Variants in PCDH15 observed in about 807,000 individuals in gnomAD.
PCDH15 encodes protocadherin-15.
PCDH15 carries 129 observed loss-of-function variants against 178.5 expected under a neutral mutation model. The observed-to-expected ratio is 0.72, with a 90% CI of 0.63 to 0.84. The LOEUF (loss-of-function observed/expected upper bound fraction) is 0.84. PCDH15 is among the 40% of genes least tolerant of loss of function. The pLI, the probability that PCDH15 is intolerant of heterozygous loss-of-function variation, is 0.00. For missense variants in PCDH15, 2,230 were observed against 2,099.9 expected, an observed-to-expected ratio of 1.06 and a Z score of -1.21; for synonymous variants, 800 against 732.0, an observed-to-expected ratio of 1.09 and a Z score of -1.50.
intron 3 of PCDH15, among the ~76,000 whole-genome samples, chr10:54,453,012 C>G (rs2136315491): frequency 6.6e-6 from 1 of 152,092 alleles, no homozygotes; most frequent in South Asian, 2.1e-4. Context: ...GGCCCTAAAT[C>G]CAATCACTAG....
chr10:54,435,161 C>T (rs2075300359), intron 3 of PCDH15, among the ~76,000 whole-genome samples: 1 of 152,174 alleles, frequency 6.6e-6, no homozygotes, highest in African/African-American at 2.4e-5. Context: ...TTCCTCCCTT[C>T]TATCTTCCCA....
intron 3 of PCDH15, among the ~76,000 whole-genome samples, chr10:54,426,800 T>G (rs1956319053): frequency 6.6e-6 from 1 of 152,204 alleles, no homozygotes; most frequent in Non-Finnish European, 1.5e-5. Context: ...GTTTTAGGGC[T>G]ATTATTTTAT....
At chr10:54,729,671 A>G (rs1943072692) in intron 1 of PCDH15, among the ~76,000 whole-genome samples, 1 of 151,742 alleles carries the variant, frequency 6.6e-6, no homozygotes, top group East Asian at 1.9e-4. Context: ...ATGGTCTAAT[A>G]TCCAGAACCT....
chr10:54,876,558 A>G (rs1954147722), intron 3 of PCDH15, among the ~76,000 whole-genome samples: 3 of 152,146 alleles, frequency 2.0e-5, no homozygotes. Context: ...AAATGTCAAC[A>G]CCAACTGGAA....
rs183057632 is a variant in PCDH15, at chr10:54,262,892, C to T, written c.877-25961G>A. Among the ~76,000 whole-genome samples, 33 of 152,054 alleles carry T rather than the reference C, an allele frequency of 2.2e-4. No individual in the cohort carries two copies. In the East Asian group the frequency reaches 5.1e-3, roughly 23 times the overall value. ...TAGTTGGTTGGGCTTGCCGCCAGGG[C>T]GAGTGTCTGTGGGAGATCTGCTGGG... is the stretch of plus-strand genomic sequence containing the variant. On this transcript the variant is annotated intron_variant, in intron 8 of 37. Coordinates refer to ENST00000644397, the MANE Select transcript of PCDH15 (RefSeq NM_001384140.1).
At chr10:55,137,292 A>G (rs1038692553) in intron 2 of PCDH15, among the ~76,000 whole-genome samples, 1 of 152,180 alleles carries the variant, frequency 6.6e-6, no homozygotes, top group Admixed American at 6.6e-5. Flanking sequence ...CTATGTTTAT[A>G]TGTGTATAAA....
chr10:53,864,386 A>G (rs1469728860), intron 27 of PCDH15, among the ~76,000 whole-genome samples: 1 of 152,170 alleles, frequency 6.6e-6, no homozygotes, highest in East Asian at 1.9e-4. Flanking sequence ...CTGAGTAACA[A>G]AGGATCAAAG....
At chr10:53,973,943 A>T (rs192148044) in intron 21 of PCDH15, among the ~76,000 whole-genome samples, 36 of 152,304 alleles carry the variant, frequency 2.4e-4, no homozygotes, top group Non-Finnish European at 4.3e-4. Context: ...TACTAAATCA[A>T]AGTGAGCTGA....
At chr10:54,751,691 C>A (rs1035206766) in intron 1 of PCDH15, among the ~76,000 whole-genome samples, 1 of 152,120 alleles carries the variant, frequency 6.6e-6, no homozygotes, top group South Asian at 2.1e-4. Context: ...TTCTGTGTTA[C>A]ATCAAGAAAA....
At chr10:55,275,045 C>T (rs1842552035) in intron 1 of PCDH15, among the ~76,000 whole-genome samples, 2 of 151,942 alleles carry the variant, frequency 1.3e-5, no homozygotes, top group Non-Finnish European at 2.9e-5. Flanking sequence ...TTTTTTCTTA[C>T]CATATTTCTG....
intron 21 of PCDH15, 108 bp from the exon 22 acceptor site, chr10:53,962,000 C>T (rs1483735418): frequency 5.6e-6 from 5 of 885,204 alleles, no homozygotes; most frequent in South Asian, 3.1e-5. Flanking sequence ...AAGTGAAAAT[C>T]ATATTTCCAT....
intron 26 of PCDH15, among the ~76,000 whole-genome samples, chr10:53,902,967 A>G (rs1018889034): frequency 1.3e-5 from 2 of 152,162 alleles, no homozygotes; most frequent in Admixed American, 6.5e-5. Flanking sequence ...AATACAAACC[A>G]TTAAGAAAAG....
At chr10:55,087,172 G>C (rs1842193396) in intron 2 of PCDH15, among the ~76,000 whole-genome samples, 1 of 152,084 alleles carries the variant, frequency 6.6e-6, no homozygotes, top group African/African-American at 2.4e-5. Flanking sequence ...GGTGTGGAGA[G>C]ACTTTAGATG....
intron 2 of PCDH15, among the ~76,000 whole-genome samples, chr10:54,662,313 T>C (rs2094504057): frequency 6.6e-6 from 1 of 152,012 alleles, no homozygotes; most frequent in Non-Finnish European, 1.5e-5. Flanking sequence ...TCAACCTCAC[T>C]AATCATTAGA....
chr10:55,130,548 G>T lies in PCDH15; in HGVS notation c.-80+36028C>A, dbSNP rs531108122. Among the ~76,000 whole-genome samples, 166 of 152,196 alleles carry T rather than the reference G, an allele frequency of 1.1e-3. 1 individual carries two copies. Among genetic ancestry groups the T allele is most frequent in the Admixed American group, 4.6e-3 (70 of 15,280 alleles). ...CTTTGTTATTTTTTAGTAACATAAT[G>T]CTGGGCTAATTATTTAACCTTCTTG... On this transcript the variant is annotated intron_variant, in intron 2 of 5. Coordinates refer to the PCDH15 transcript ENST00000458638.
intron 2 of PCDH15, among the ~76,000 whole-genome samples, chr10:55,518,554 TG>T (rs1226322084): frequency 6.6e-6 from 1 of 151,904 alleles, no homozygotes; most frequent in Non-Finnish European, 1.5e-5. Context: ...GAGAGTCTCT[TG>T]GGTAACTTCC....
At chr10:54,727,557 A>G (rs1942751093) in intron 1 of PCDH15, among the ~76,000 whole-genome samples, 1 of 151,462 alleles carries the variant, frequency 6.6e-6, no homozygotes, top group East Asian at 1.9e-4. Context: ...GAGCAAACCA[A>G]TCCCATAGAT....
chr10:54,249,648 T>C (rs573135604), intron 8 of PCDH15, among the ~76,000 whole-genome samples: 2 of 152,306 alleles, frequency 1.3e-5, no homozygotes, highest in Non-Finnish European at 2.9e-5. Context: ...TTTAGGAGGT[T>C]GGTGTTTTTA....
Position 54,377,872 on chromosome 10 carries a change from A to AT in PCDH15, c.318+909dup, listed in dbSNP as rs538016510. 3.7e-3 allele frequency among the ~76,000 whole-genome samples: 562 copies of AT among 151,692 alleles called. 2 individuals are homozygous for AT. The highest frequency in any genetic ancestry group is 4.6e-3 in the Non-Finnish European group (312 of 67,860). ...TTTAGAGAGCTACTTATACCTATTA[A>AT]TTTTTTTTTAATTTTTCCAGAAATG... On this transcript the variant is annotated intron_variant, in intron 4 of 37. Coordinates refer to ENST00000644397, the MANE Select transcript of PCDH15 (RefSeq NM_001384140.1).
Sources: gnomAD v4.1 joint callset for allele counts (sites outside exome capture counted in the v4.1 genomes callset) on GRCh38, gnomAD v4.1.1 for gene constraint, MANE v1.5 for transcripts, NCBI Gene and HGNC (gene_info 2026-07-23, HGNC 2026-07-21) for gene names.